LPIN3: variants seen among roughly 807,000 people sequenced by gnomAD.
LPIN3 encodes the protein lipin 3.
A neutral mutation model predicts 94.7 loss-of-function variants in LPIN3; 82 were observed. That is an observed-to-expected ratio of 0.87 (90% CI 0.72 to 1.04). LPIN3 has a LOEUF of 1.04. Ranked by LOEUF, LPIN3 falls within the 50% of genes least tolerant of loss-of-function variation. The pLI, the probability that LPIN3 is intolerant of heterozygous loss-of-function variation, is 0.00. For missense variants in LPIN3, 996 were observed against 1,090.5 expected (o/e 0.91, Z 1.22); for synonymous variants, 418 against 443.3 (o/e 0.94, Z 0.72).
chr20:41,359,838 CCCCCAGCCTCTGCTGGCCAGCTTGG>C lies in LPIN3; in HGVS notation c.*973_*997del, dbSNP rs1433706129. 4 of 152,230 alleles carry C rather than the reference CCCCCAGCCTCTGCTGGCCAGCTTGG, an allele frequency of 2.6e-5. No individual in the cohort carries two copies. The highest frequency in any genetic ancestry group is 9.6e-5 in the African/African-American group (4 of 41,454). The allele number at this position is 152,230 out of a possible 1,614,324, so 9.4% of individuals were successfully genotyped here. A position where few individuals can be genotyped will look rare whatever the true frequency, so the allele number is the denominator to read the frequency against. ...GGGCAGGTGTTGGCCTGAAAGTCCTCCCCCAGCCTCTGCTGGCCAGCTTGGTGCTCACAGCTGCTGGGTAAGCTCT... is the reference window on the plus strand; with the variant it reads ...GGGCAGGTGTTGGCCTGAAAGTCCTCTGCTCACAGCTGCTGGGTAAGCTCT... On this transcript the variant is annotated 3_prime_UTR_variant, in exon 20 of 20. Coordinates refer to ENST00000373257, the MANE Select transcript of LPIN3 (RefSeq NM_022896.3).
chr20:41,351,791 C>G (rs781678145), intron 7 of LPIN3, 30 bp from the exon 8 acceptor site: 1 of 1,602,992 alleles, frequency 6.2e-7, no homozygotes, highest in South Asian at 1.1e-5. Flanking sequence ...CACATGTCAG[C>G]TCTACAGATA....
Position 41,357,027 on chromosome 20 carries a change from T to C in LPIN3, c.1804-13T>C. On this transcript the variant is annotated splice_polypyrimidine_tract_variant and intron_variant, in intron 14 of 19. Coordinates refer to ENST00000373257, the MANE Select transcript of LPIN3 (RefSeq NM_022896.3). ...TCATCAATCACGACACACCCCCCTT[T>C]GTCTGGCCTCAGCGGCGCCTGAACC... 1.2e-6 allele frequency: 2 copies of C among 1,607,550 alleles called. No homozygotes were observed. The highest frequency in any genetic ancestry group is 1.1e-5 in the South Asian group (1 of 90,904).
At chr20:41,344,788 G>GGGTCTGAGCGCCTAGCCAGCTCAGCCCT (rs34630654) in intron 1 of LPIN3, among the ~76,000 whole-genome samples, 6 of 152,222 alleles carry the variant, frequency 3.9e-5, no homozygotes, top group African/African-American at 1.4e-4. Context: ...GCCTGATTGT[G>GGGTCTGAGCGCCTAGCCAGCTCAGCCCT]GGTCTGAGCG....
intron 15 of LPIN3, 57 bp downstream of exon 15, chr20:41,357,245 T>A: frequency 1.9e-6 from 3 of 1,609,288 alleles, no homozygotes; most frequent in Non-Finnish European, 2.5e-6. Context: ...CTCGCCTCCC[T>A]CTGTGCTGGG....
chr20:41,352,480 G>A, intron 9 of LPIN3, 126 bp from the exon 10 acceptor site: 1 of 874,390 alleles, frequency 1.1e-6, no homozygotes, highest in Non-Finnish European at 1.9e-6. Context: ...AGGTAGGGAG[G>A]AGCACTGCCA....
At position 41,345,810 on chromosome 20, in the gene LPIN3, T is replaced by A; in HGVS notation, c.7T>A (p.Tyr3Asn). 6.2e-7 allele frequency: 1 copy of A among 1,611,148 alleles called. No individual in the cohort carries two copies. The highest frequency in any genetic ancestry group is 8.5e-7 in the Non-Finnish European group (1 of 1,177,790). Residue 3 changes from tyrosine to asparagine, a missense_variant, in exon 2 of 20, where the codon TAC (tyrosine) becomes AAC (asparagine). Tyr to Asn is a moderately radical substitution (Grantham distance 143). Transcript: ENST00000373257. MN[Y>N]VGQLAETVFG... Reference sequence around the variant, plus strand: ...TTCTTTGCCAGCACCAGCCATGAACTACGTGGGGCAGCTGGCGGAGACGGT... The same window carrying A: ...TTCTTTGCCAGCACCAGCCATGAACAACGTGGGGCAGCTGGCGGAGACGGT...
rs746781871 is a variant in LPIN3, at chr20:41,352,877, A to G, written c.1527+10A>G. On this transcript the variant is annotated intron_variant, in intron 11 of 19. Transcript: ENST00000373257. The stretch of plus-strand genomic sequence containing the variant: ...GAAAAACTTGCCCAAGGTAATGGTT[A>G]GAGCACCACTGCCCCTGCTGGGGAA... 4.3e-6 allele frequency: 7 copies of G among 1,613,994 alleles called. No homozygotes were observed. In the South Asian group the frequency reaches 7.7e-5, roughly 18 times the overall value.
At chr20:41,354,070 A>C (rs375290780) in intron 11 of LPIN3, among the ~76,000 whole-genome samples, 2 of 152,188 alleles carry the variant, frequency 1.3e-5, no homozygotes, top group African/African-American at 4.8e-5. Context: ...TGTCCCCCAG[A>C]TGGGACTTGG....
intron 14 of LPIN3, 128 bp downstream of exon 14, chr20:41,356,162 C>T (rs1486518237): frequency 1.1e-5 from 15 of 1,352,286 alleles, no homozygotes; most frequent in Non-Finnish European, 1.5e-5. Context: ...AATCTATCCC[C>T]TTGGGAGCCT....
rs185421314 is a variant in LPIN3, at chr20:41,343,809, C to T, written c.-8-1987C>T. ...GTGCAATGGCTCACGCCTGTAGTCC[C>T]GGCACTTTGGTAGGCCAAGGTGGGA... is the stretch of plus-strand genomic sequence containing the variant. On this transcript the variant is annotated intron_variant, in intron 1 of 19. Coordinates refer to ENST00000373257, the MANE Select transcript of LPIN3 (RefSeq NM_022896.3). 1.8e-4 allele frequency among the ~76,000 whole-genome samples: 27 copies of T among 152,328 alleles called. No homozygotes were observed. The East Asian group carries it at 3.7e-3, about 21-fold the overall frequency.
rs775107074 is a variant in LPIN3, at chr20:41,355,984, C to G, written c.1753C>G (p.Pro585Ala). 6.2e-7 allele frequency: 1 copy of G among 1,614,118 alleles called. No individual in the cohort carries two copies. The highest frequency in any genetic ancestry group is 8.5e-7 in the Non-Finnish European group (1 of 1,179,986). The change falls in exon 14 of 20, where the codon CCC becomes GCC. Residue 585 changes from proline to alanine, a missense_variant. Transcript: ENST00000373257. ...EIPSLPPSTP[P>A]STPTYKKSLR... ...CCCCTCCTTGCCACCCTCCACTCCA[C>G]CCTCCACTCCTACCTACAAGAAGTC... is the stretch of plus-strand genomic sequence containing the variant.
In LPIN3 at chr20:41,355,882, A is replaced by G. The variant is rs1175345777; in HGVS notation, c.1665-14A>G. On this transcript the variant is annotated splice_polypyrimidine_tract_variant and intron_variant, in intron 13 of 19. Transcript: ENST00000373257. ...GGCTGGAGGAGATGGCCTGAGAGCCAGTGTGGTCCACAGGGAGAAGACAGA... is the reference window on the plus strand; with the variant it reads ...GGCTGGAGGAGATGGCCTGAGAGCCGGTGTGGTCCACAGGGAGAAGACAGA... 2.5e-6 allele frequency: 4 copies of G among 1,613,564 alleles called. No individual in the cohort carries two copies. The highest frequency in any genetic ancestry group is 3.4e-6 in the Non-Finnish European group (4 of 1,179,694).
chr20:41,353,194 A>T (rs2046087676), intron 11 of LPIN3, among the ~76,000 whole-genome samples: 1 of 152,222 alleles, frequency 6.6e-6, no homozygotes. Flanking sequence ...AAATATGGGG[A>T]AGCCTTTGGA....
chr20:41,349,656 A>G (rs1283387379), intron 5 of LPIN3, 118 bp from the exon 6 acceptor site: 1 of 1,229,126 alleles, frequency 8.1e-7, no homozygotes, highest in Non-Finnish European at 1.1e-6. Context: ...TATTCCTTAT[A>G]TATTATGGAT....
At position 41,353,288 on chromosome 20, in the gene LPIN3, T is replaced by C. The variant is rs117573892; in HGVS notation, c.1527+421T>C. 2.4e-4 allele frequency among the ~76,000 whole-genome samples: 37 copies of C among 152,330 alleles called. 1 individual carries two copies. The highest frequency in any genetic ancestry group is 1.4e-3 in the Admixed American group (21 of 15,292). ...TCCTCCAGGCTGGGCTGAAGGGTGC[T>C]TACTTTCTTTATCTGCACACATTTC... On this transcript the variant is annotated intron_variant, in intron 11 of 19. Transcript: ENST00000373257.
At position 41,348,880 on chromosome 20, in the gene LPIN3, C is replaced by A. The variant is rs1224256540; in HGVS notation, c.550C>A (p.Pro184Thr). Reference sequence around the variant, plus strand: ...CCTGCCGGAAAAGCTGAGGCCAGAGCCCCCAGGGTGTGTAAGGACCAAGGG... The same window carrying A: ...CCTGCCGGAAAAGCTGAGGCCAGAGACCCCAGGGTGTGTAAGGACCAAGGG... ...LSLPEKLRPE[P>T]PGVQLEEKSS... The change falls in exon 4 of 20, where the codon CCC becomes ACC. Residue 184 changes from proline (P) to threonine (T), a missense_variant. Pro to Thr is a conservative substitution (Grantham distance 38). Coordinates refer to ENST00000373257, the MANE Select transcript of LPIN3 (RefSeq NM_022896.3). 3.7e-6 allele frequency: 6 copies of A among 1,603,360 alleles called. No homozygotes were observed. The African/African-American group carries it at 6.7e-5, about 18-fold the overall frequency.
Position 41,358,355 on chromosome 20 carries a change from A to T in LPIN3, c.2307+4A>T. ...TGCCTTTGGGAATAGGCCCAATGTGAGTGTGTCCCCTCCACTCTGCTGAGC... is the reference window on the plus strand; with the variant it reads ...TGCCTTTGGGAATAGGCCCAATGTGTGTGTGTCCCCTCCACTCTGCTGAGC... On this transcript the variant is annotated splice_donor_region_variant and intron_variant, in intron 18 of 19. Coordinates refer to ENST00000373257, the MANE Select transcript of LPIN3 (RefSeq NM_022896.3). 1 of 1,613,886 alleles carries T rather than the reference A, an allele frequency of 6.2e-7. No homozygotes were observed. The highest frequency in any genetic ancestry group is 8.5e-7 in the Non-Finnish European group (1 of 1,179,864).
chr20:41,360,036 A>C lies in LPIN3; in HGVS notation c.*1170A>C, dbSNP rs2147029870. On this transcript the variant is annotated 3_prime_UTR_variant, in exon 20 of 20. Coordinates refer to ENST00000373257, the MANE Select transcript of LPIN3 (RefSeq NM_022896.3). ...ACCAGAGTGGAGGGCAGAATACCAA[A>C]TGTCCAGGAACCAAAGGCAGGGCTG... 1 of 152,682 alleles carries C rather than the reference A, an allele frequency of 6.5e-6. No homozygotes were observed. Among genetic ancestry groups the C allele is most frequent in the East Asian group, 1.9e-4 (1 of 5,174 alleles). The allele number at this position is 152,682 out of a possible 1,614,324, so 9.5% of individuals were successfully genotyped here.
In LPIN3 at chr20:41,345,827, G is replaced by A. The variant is rs61730992; in HGVS notation, c.24G>A (p.Ala8=). Residue 8 remains alanine, a synonymous_variant, in exon 2 of 20, where the codon GCG becomes GCA. Transcript: ENST00000373257. ...CCATGAACTACGTGGGGCAGCTGGC[G>A]GAGACGGTGTTTGGGACGGTGAAGG... MNYVGQL[A]ETVFGTVKEL... is the part of the protein sequence containing the mutation. The A allele has an allele frequency of 3.5e-3, 5,658 of 1,613,488 alleles. 17 individuals carry two copies. The highest frequency in any genetic ancestry group is 0.01 in the Middle Eastern group (62 of 6,060).
Sources: gnomAD v4.1 joint callset for allele counts (sites outside exome capture counted in the v4.1 genomes callset) on GRCh38, gnomAD v4.1.1 for gene constraint, MANE v1.5 for transcripts, NCBI Gene and HGNC (gene_info 2026-07-23, HGNC 2026-07-21) for gene names.